Variants in DLC1 observed in about 807,000 individuals in gnomAD.
DLC1 encodes the protein rho GTPase-activating protein 7.
In DLC1, 54 loss-of-function variants were observed where a neutral mutation model predicts 140.3. The observed-to-expected ratio is 0.38, with a 90% CI of 0.31 to 0.48. DLC1 has a LOEUF of 0.48. Ranked by LOEUF, DLC1 falls within the 20% of genes least tolerant of loss-of-function variation. DLC1 has a pLI of 0.96. For synonymous variants in DLC1, 986 were observed against 728.1 expected, an observed-to-expected ratio of 1.35 and a Z score of -5.70; for missense variants, 2,536 against 1,907.0, an observed-to-expected ratio of 1.33 and a Z score of -6.14.
chr8:13,348,748 C>T (rs551028471), intron 4 of DLC1, among the ~76,000 whole-genome samples: 5 of 152,096 alleles, frequency 3.3e-5, no homozygotes, highest in Non-Finnish European at 5.9e-5. Context: ...AAAATGGAAG[C>T]GAAGGTAACA....
At chr8:13,480,455 T>G (rs1800677300) in intron 2 of DLC1, among the ~76,000 whole-genome samples, 2 of 152,320 alleles carry the variant, frequency 1.3e-5, no homozygotes, top group South Asian at 4.1e-4. Context: ...AAAGATAGAC[T>G]ATATCTTCTT....
At chr8:13,343,696 T>C (rs890817123) in intron 4 of DLC1, among the ~76,000 whole-genome samples, 1 of 152,196 alleles carries the variant, frequency 6.6e-6, no homozygotes, top group Non-Finnish European at 1.5e-5. Flanking sequence ...CATATTTTAT[T>C]CCAAAGCCTG....
chr8:13,391,511 CA>C (rs1048270332), intron 4 of DLC1, among the ~76,000 whole-genome samples: 1 of 150,036 alleles, frequency 6.7e-6, no homozygotes, highest in Non-Finnish European at 1.5e-5. Flanking sequence ...GATGGCAAAA[CA>C]AAAAAAAATT....
In DLC1 at chr8:13,401,452, A is replaced by C. The variant is rs552420646; in HGVS notation, c.1173+18T>G. ...TTACGACTCCTATGGGAAAAGAAGT[A>C]GAAAGTGGAAAGCTCACAGGAACGT... On this transcript the variant is annotated intron_variant, in intron 3 of 17. Coordinates refer to ENST00000276297, the MANE Select transcript of DLC1 (RefSeq NM_182643.3). The C allele has an allele frequency of 3.7e-6, 6 of 1,611,164 alleles. No homozygotes were observed. In the African/African-American group the frequency reaches 8.0e-5, roughly 21 times the overall value.
chr8:13,162,133 C>A (rs1444540141), intron 5 of DLC1, among the ~76,000 whole-genome samples: 1 of 152,186 alleles, frequency 6.6e-6, no homozygotes, highest in Non-Finnish European at 1.5e-5. Flanking sequence ...GTGGCTGCCT[C>A]AATGTATAGC....
At chr8:13,137,618 T>G (rs1822670372) in intron 5 of DLC1, among the ~76,000 whole-genome samples, 1 of 150,958 alleles carries the variant, frequency 6.6e-6, no homozygotes, top group Non-Finnish European at 1.5e-5. Flanking sequence ...TTTTTTTTTT[T>G]GAGATGGAGT....
upstream of DLC1, among the ~76,000 whole-genome samples, chr8:13,518,859 G>T (rs940917999): frequency 2.6e-5 from 4 of 151,944 alleles, no homozygotes; most frequent in Non-Finnish European, 4.4e-5. Flanking sequence ...CTAAAAATTT[G>T]CTTGTAATTT....
rs1836916790 is a variant in DLC1, at chr8:13,394,329, G to A, written c.1174-636C>T. ...ACTCATGGAGTTTCATAAGCATAAA[G>A]CAAAGTGCTGGTAATTGGCTCCTAA... On this transcript the variant is annotated intron_variant, in intron 3 of 17. Coordinates refer to ENST00000276297, the MANE Select transcript of DLC1 (RefSeq NM_182643.3). 1.3e-5 allele frequency among the ~76,000 whole-genome samples: 2 copies of A among 152,168 alleles called. 1 individual carries two copies. The highest frequency in any genetic ancestry group is 4.1e-4 in the South Asian group (2 of 4,820).
At chr8:13,371,933 C>A (rs1403417478) in intron 4 of DLC1, among the ~76,000 whole-genome samples, 1 of 152,114 alleles carries the variant, frequency 6.6e-6, no homozygotes, top group African/African-American at 2.4e-5. Context: ...ATGTTCACTA[C>A]TGAGGAAGTA....
chr8:13,449,760 C>G (rs895583390), intron 2 of DLC1, among the ~76,000 whole-genome samples: 7 of 151,946 alleles, frequency 4.6e-5, no homozygotes, highest in African/African-American at 7.3e-5. Context: ...CATGGCACAT[C>G]TGTACATATG....
chr8:13,419,570 A>T (rs980461937), intron 2 of DLC1, among the ~76,000 whole-genome samples: 2 of 152,290 alleles, frequency 1.3e-5, no homozygotes, highest in East Asian at 1.9e-4. Context: ...AGCCCATTTG[A>T]TCATGGTGGA....
At chr8:13,117,481 T>TA (rs1182150142) in intron 5 of DLC1, among the ~76,000 whole-genome samples, 167 of 147,302 alleles carry the variant, frequency 1.1e-3, no homozygotes, top group African/African-American at 3.3e-3. Context: ...CTGTAACCGC[T>TA]AAAAAAAAAA....
chr8:13,583,011 G>A, intron 1 of DLC1, among the ~76,000 whole-genome samples: 1 of 151,142 alleles, frequency 6.6e-6, no homozygotes, highest in East Asian at 2.0e-4. Flanking sequence ...AGTCTTCAGT[G>A]AGTTGTAATC....
intron 5 of DLC1, among the ~76,000 whole-genome samples, chr8:13,219,412 A>ATATAATTATACTTATATAATTCG (rs1238023507): frequency 3.4e-5 from 5 of 146,740 alleles, no homozygotes; most frequent in African/African-American, 1.2e-4. Flanking sequence ...TATATAATTC[A>ATATAATTATACTTATATAATTCG]TATAATTATA....
intron 5 of DLC1, among the ~76,000 whole-genome samples, chr8:13,272,589 C>A (rs890644537): frequency 6.6e-6 from 1 of 152,044 alleles, no homozygotes; most frequent in Admixed American, 6.5e-5. Flanking sequence ...TGGCTGGGTG[C>A]GGTGGCTCAT....
chr8:13,579,215 T>G (rs1804953595), intron 1 of DLC1, among the ~76,000 whole-genome samples: 1 of 111,864 alleles, frequency 8.9e-6, no homozygotes, highest in Non-Finnish European at 1.8e-5. Context: ...GCATAAAAGG[T>G]GTAAGGAGCT....
intron 4 of DLC1, among the ~76,000 whole-genome samples, chr8:13,346,261 C>T (rs982207088): frequency 3.0e-4 from 46 of 152,292 alleles, no homozygotes; most frequent in African/African-American, 1.0e-3. Context: ...GATTCACAGT[C>T]GTGTCAGAAG....
At chr8:13,332,059 C>T (rs1024788989) in intron 4 of DLC1, among the ~76,000 whole-genome samples, 1 of 152,172 alleles carries the variant, frequency 6.6e-6, no homozygotes, top group South Asian at 2.1e-4. Flanking sequence ...TTAGCTTCAG[C>T]ATTTTTAATG....
At chr8:13,449,602 T>C (rs939443595) in intron 2 of DLC1, among the ~76,000 whole-genome samples, 4 of 143,876 alleles carry the variant, frequency 2.8e-5, no homozygotes, top group Non-Finnish European at 6.0e-5. Flanking sequence ...TTCTCACTCA[T>C]AGGTGGGAAT....
Sources: gnomAD v4.1 joint callset for allele counts (sites outside exome capture counted in the v4.1 genomes callset) on GRCh38, gnomAD v4.1.1 for gene constraint, MANE v1.5 for transcripts, NCBI Gene and HGNC (gene_info 2026-07-23, HGNC 2026-07-21) for gene names.